VAV3: variants seen among roughly 807,000 people sequenced by gnomAD.
VAV3 encodes guanine nucleotide exchange factor VAV3.
VAV3 carries 94 observed loss-of-function variants against 131.2 expected under a neutral mutation model. The observed-to-expected ratio is 0.72, with a 90% CI of 0.61 to 0.85. VAV3 has a LOEUF of 0.85. VAV3 is among the 40% of genes least tolerant of loss of function. The pLI, the probability that VAV3 is intolerant of heterozygous loss-of-function variation, is 0.00. For missense variants in VAV3, 939 were observed against 1,002.7 expected (o/e 0.94, Z 0.86); for synonymous variants, 349 against 342.0 (o/e 1.02, Z -0.22).
intron 2 of VAV3, among the ~76,000 whole-genome samples, chr1:107,855,230 G>A (rs1460430534): frequency 6.6e-6 from 1 of 151,904 alleles, no homozygotes; most frequent in Non-Finnish European, 1.5e-5. Flanking sequence ...TCTACTGTCT[G>A]TCACAAAAAA....
intron 15 of VAV3, among the ~76,000 whole-genome samples, chr1:107,719,632 A>G (rs530598138): frequency 1.8e-4 from 27 of 152,340 alleles, no homozygotes; most frequent in African/African-American, 6.3e-4. Context: ...TACTTCAACC[A>G]TTGTGGAAGA....
chr1:107,635,330 T>C (rs1432832706), intron 20 of VAV3, among the ~76,000 whole-genome samples: 2 of 151,826 alleles, frequency 1.3e-5, no homozygotes, highest in African/African-American at 4.8e-5. Flanking sequence ...GGGACAAGGA[T>C]GAAGCTGGAA....
chr1:107,623,785 G>C (rs1389129350), intron 20 of VAV3, among the ~76,000 whole-genome samples: 1 of 152,096 alleles, frequency 6.6e-6, no homozygotes, highest in Admixed American at 6.5e-5. Flanking sequence ...AGTCAAAAGG[G>C]GATATGATCC....
intron 4 of VAV3, among the ~76,000 whole-genome samples, chr1:107,774,976 G>A (rs1665265412): frequency 6.6e-6 from 1 of 151,412 alleles, no homozygotes; most frequent in East Asian, 1.9e-4. Flanking sequence ...GGAGGCCAAG[G>A]TGGGTGGATT....
chr1:107,659,912 T>TA (rs1270047248), intron 19 of VAV3, among the ~76,000 whole-genome samples: 1 of 152,164 alleles, frequency 6.6e-6, no homozygotes, highest in Non-Finnish European at 1.5e-5. Flanking sequence ...CGCACAATGT[T>TA]AATGAATAAA....
At chr1:107,763,971 T>A in intron 9 of VAV3, among the ~76,000 whole-genome samples, 1 of 152,182 alleles carries the variant, frequency 6.6e-6, no homozygotes, top group South Asian at 2.1e-4. Flanking sequence ...TATCTCTACC[T>A]GAAATTTAAT....
chr1:107,850,787 A>C (rs6583052), intron 2 of VAV3, among the ~76,000 whole-genome samples: 106,968 of 151,924 alleles, frequency 0.7, 37,934 homozygotes, highest in Non-Finnish European at 0.73. Flanking sequence ...AGACTGATCA[A>C]CTATTTTTAA....
intron 2 of VAV3, among the ~76,000 whole-genome samples, chr1:107,865,514 T>C (rs1669943456): frequency 6.6e-6 from 1 of 152,128 alleles, no homozygotes; most frequent in African/African-American, 2.4e-5. Context: ...ATTAATCTGG[T>C]GAGTCATGAT....
intron 1 of VAV3, among the ~76,000 whole-genome samples, chr1:107,958,907 T>C (rs965037320): frequency 6.6e-6 from 1 of 152,018 alleles, no homozygotes; most frequent in African/African-American, 2.4e-5. Context: ...TATGAGAAAA[T>C]CTGTCCATCT....
At chr1:107,934,248 C>T (rs17020392) in intron 1 of VAV3, among the ~76,000 whole-genome samples, 4,294 of 152,148 alleles carry the variant, frequency 0.028, 99 homozygotes, top group East Asian at 0.1. Context: ...TTGCAAAACC[C>T]AAGACTTTCC....
At chr1:107,730,478 T>C (rs1372173470) in intron 15 of VAV3, among the ~76,000 whole-genome samples, 3 of 152,118 alleles carry the variant, frequency 2.0e-5, no homozygotes, top group African/African-American at 7.2e-5. Flanking sequence ...CAAAACCAAA[T>C]AAAATCAAAC....
intron 18 of VAV3, 75 bp downstream of exon 18, chr1:107,688,306 A>G (rs1659177377): frequency 6.5e-6 from 10 of 1,532,622 alleles, no homozygotes; most frequent in Non-Finnish European, 8.9e-6. Context: ...ACAGTGTAAA[A>G]GCCCAAGCCT....
intron 2 of VAV3, among the ~76,000 whole-genome samples, chr1:107,780,722 G>A (rs1032509134): frequency 6.6e-6 from 1 of 152,080 alleles, no homozygotes; most frequent in Non-Finnish European, 1.5e-5. Context: ...CGCTATGTCG[G>A]CCAGGCTGGT....
chr1:107,955,860 A>G (rs1277899935), intron 1 of VAV3, among the ~76,000 whole-genome samples: 1 of 152,192 alleles, frequency 6.6e-6, no homozygotes, highest in Non-Finnish European at 1.5e-5. Flanking sequence ...CACTAAAGTT[A>G]TAAGGAGGTT....
rs150976530 is a variant in VAV3 at position 107,795,465 on chromosome 1, T to C, written c.322-15973A>G. ...TTTGTGATCTAATTGTAATACAATG[T>C]TTCTGTTTTGGTACTATTGTCTGTT... On this transcript the variant is annotated intron_variant, in intron 2 of 26. Coordinates refer to ENST00000370056, the MANE Select transcript of VAV3 (RefSeq NM_006113.5). 3.2e-3 allele frequency among the ~76,000 whole-genome samples: 480 copies of C among 152,298 alleles called. 5 individuals carry two copies. The highest frequency in any genetic ancestry group is 0.011 in the African/African-American group (455 of 41,556).
intron 17 of VAV3, among the ~76,000 whole-genome samples, chr1:107,693,034 G>T (rs1448901404): frequency 6.6e-6 from 1 of 152,190 alleles, no homozygotes; most frequent in Admixed American, 6.5e-5. Context: ...TCTGGGATTA[G>T]ACCTTCGCGG....
chr1:107,879,223 T>A (rs1361058246), intron 1 of VAV3, among the ~76,000 whole-genome samples: 2 of 152,192 alleles, frequency 1.3e-5, no homozygotes, highest in Admixed American at 6.5e-5. Flanking sequence ...CAAATAAGTC[T>A]TATTTTCATT....
intron 19 of VAV3, among the ~76,000 whole-genome samples, chr1:107,656,222 G>C (rs1315946602): frequency 1.3e-5 from 2 of 152,104 alleles, no homozygotes; most frequent in Admixed American, 6.6e-5. Flanking sequence ...CAATGGATGG[G>C]TGGATAAGAA....
intron 2 of VAV3, among the ~76,000 whole-genome samples, chr1:107,866,985 T>C (rs1670018301): frequency 6.6e-6 from 1 of 152,114 alleles, no homozygotes; most frequent in Non-Finnish European, 1.5e-5. Flanking sequence ...GTGTGATACC[T>C]AAATAGCATG....
Sources: allele counts gnomAD v4.1 joint callset (sites outside exome capture counted in the v4.1 genomes callset), GRCh38; gene constraint gnomAD v4.1.1; transcripts MANE v1.5; gene names NCBI Gene and HGNC (gene_info 2026-07-23, HGNC 2026-07-21).